Variants in IMMP1L observed in about 807,000 individuals in gnomAD.
IMMP1L encodes the protein inner mitochondrial membrane peptidase subunit 1.
In IMMP1L, 24 loss-of-function variants were observed where a neutral mutation model predicts 21.8. That is an observed-to-expected ratio of 1.10 (90% CI 0.80 to 1.55). IMMP1L has a LOEUF of 1.55. IMMP1L is among the 40% of genes most tolerant of loss of function. IMMP1L has a pLI of 0.00. For synonymous variants in IMMP1L, 46 were observed against 62.8 expected, an observed-to-expected ratio of 0.73 and a Z score of 1.26; for missense variants, 195 against 200.7, an observed-to-expected ratio of 0.97 and a Z score of 0.17.
At chr11:31,449,029 T>C (rs1027921667) in intron 4 of IMMP1L, 12 of 985,046 alleles carry the variant, frequency 1.2e-5, no homozygotes, top group African/African-American at 3.5e-5. Context: ...TATGCCATGA[T>C]TGATTATCCT....
chr11:31,450,503 T>C (rs1423058185), intron 4 of IMMP1L, among the ~76,000 whole-genome samples: 2 of 152,216 alleles, frequency 1.3e-5, no homozygotes, highest in African/African-American at 2.4e-5. Flanking sequence ...TATGCAGTCC[T>C]AAATAGAAGT....
chr11:31,482,727 T>C (rs1954940257), intron 1 of IMMP1L, among the ~76,000 whole-genome samples: 1 of 152,046 alleles, frequency 6.6e-6, no homozygotes, highest in South Asian at 2.1e-4. Context: ...GTGGAGCAAC[T>C]AGAACTCTCT....
At chr11:31,486,028 G>C (rs1180736559) in intron 1 of IMMP1L, among the ~76,000 whole-genome samples, 2 of 151,576 alleles carry the variant, frequency 1.3e-5, no homozygotes, top group African/African-American at 2.4e-5. Context: ...AATAACTATG[G>C]GGGCTTTAGA....
At chr11:31,474,499 C>G (rs1383807385) in intron 1 of IMMP1L, among the ~76,000 whole-genome samples, 3 of 152,074 alleles carry the variant, frequency 2.0e-5, no homozygotes, top group Non-Finnish European at 2.9e-5. Flanking sequence ...CACTCATACT[C>G]CCATAATCTA....
chr11:31,446,395 A>G (rs1953521230), intron 4 of IMMP1L, among the ~76,000 whole-genome samples: 1 of 152,160 alleles, frequency 6.6e-6, no homozygotes, highest in African/African-American at 2.4e-5. Context: ...AAACTAAATA[A>G]AAACTAAGCC....
chr11:31,460,548 G>T, intron 3 of IMMP1L, 78 bp downstream of exon 3: 1 of 814,026 alleles, frequency 1.2e-6, no homozygotes, highest in Non-Finnish European at 2.0e-6. Flanking sequence ...TAAAGATAAA[G>T]TTAAGGAACT....
At chr11:31,465,002 C>A (rs1404001564) in intron 1 of IMMP1L, among the ~76,000 whole-genome samples, 1 of 151,956 alleles carries the variant, frequency 6.6e-6, no homozygotes, top group Non-Finnish European at 1.5e-5. Context: ...AAGTAACTAT[C>A]CTGGTTACAG....
chr11:31,488,865 TAA>T (rs796713315), intron 1 of IMMP1L, among the ~76,000 whole-genome samples: 26 of 151,762 alleles, frequency 1.7e-4, no homozygotes, highest in African/African-American at 6.3e-4. Flanking sequence ...ATTAAGAAAA[TAA>T]GTTTTATTTT....
intron 1 of IMMP1L, among the ~76,000 whole-genome samples, chr11:31,467,780 ATTTT>A (rs34229840): frequency 6.3e-5 from 9 of 143,546 alleles, no homozygotes; most frequent in Non-Finnish European, 1.1e-4. Context: ...AAAGTAGATA[ATTTT>A]TTTTTTTTTT....
intron 5 of IMMP1L, among the ~76,000 whole-genome samples, chr11:31,433,112 T>G (rs1431638729): frequency 6.6e-6 from 1 of 152,214 alleles, no homozygotes; most frequent in East Asian, 1.9e-4. Flanking sequence ...TACAGGTAGT[T>G]TGAATCTAGA....
intron 1 of IMMP1L, among the ~76,000 whole-genome samples, chr11:31,506,256 C>G (rs1333496157): frequency 7.5e-4 from 10 of 13,364 alleles, no homozygotes; most frequent in African/African-American, 3.6e-3. Context: ...GAGACACAGT[C>G]TCGCTGTGTC....
At chr11:31,498,406 A>G (rs966584662) in intron 1 of IMMP1L, among the ~76,000 whole-genome samples, 4 of 152,222 alleles carry the variant, frequency 2.6e-5, no homozygotes, top group Admixed American at 6.5e-5. Flanking sequence ...TATGCCCTGG[A>G]GAAACAAAGA....
Position 31,433,452 on chromosome 11 carries a change from A to T in IMMP1L, c.432+8T>A, listed in dbSNP as rs1339145630. 14 of 1,479,878 alleles carry T rather than the reference A, an allele frequency of 9.5e-6. No homozygotes were observed. The African/African-American group carries it at 1.8e-4, about 19-fold the overall frequency. 91.7% of individuals were successfully genotyped at this position (1,479,878 alleles called of 1,614,324 possible). On this transcript the variant is annotated splice_region_variant and intron_variant, in intron 5 of 5. Coordinates refer to ENST00000532287, the MANE Select transcript of IMMP1L (RefSeq NM_001304274.2). ...AATAAACCTTACATTTTAAGCAGAA[A>T]ATGGTACCTTAAAGAAGATTCGTCC...
chr11:31,436,273 T>C (rs1296767600), intron 4 of IMMP1L, among the ~76,000 whole-genome samples: 2 of 152,354 alleles, frequency 1.3e-5, no homozygotes, highest in African/African-American at 4.8e-5. Context: ...ATTTTAATTA[T>C]TTACAGTACC....
intron 1 of IMMP1L, among the ~76,000 whole-genome samples, chr11:31,503,514 G>A (rs1326479033): frequency 3.3e-5 from 5 of 151,794 alleles, no homozygotes; most frequent in Admixed American, 2.0e-4. Context: ...AATTAACAAT[G>A]AAGAAAAAAA....
At chr11:31,462,140 C>T (rs764395355) in intron 2 of IMMP1L, among the ~76,000 whole-genome samples, 19 of 151,910 alleles carry the variant, frequency 1.3e-4, no homozygotes, top group Non-Finnish European at 1.9e-4. Context: ...CATGGTGAAA[C>T]GCCATCTCTA....
intron 4 of IMMP1L, among the ~76,000 whole-genome samples, chr11:31,439,990 A>T (rs1183735165): frequency 6.6e-6 from 1 of 152,148 alleles, no homozygotes; most frequent in Non-Finnish European, 1.5e-5. Flanking sequence ...GGCACAATTT[A>T]GTATTGAGCC....
chr11:31,472,522 T>A (rs534515137), intron 1 of IMMP1L, among the ~76,000 whole-genome samples: 2 of 152,232 alleles, frequency 1.3e-5, no homozygotes, highest in Non-Finnish European at 2.9e-5. Context: ...CCATGTACCA[T>A]GTGTGCTGTG....
chr11:31,461,127 T>C (rs1002166039), intron 2 of IMMP1L, among the ~76,000 whole-genome samples: 2 of 152,188 alleles, frequency 1.3e-5, no homozygotes, highest in Non-Finnish European at 1.5e-5. Context: ...CATTTTCTTA[T>C]TACTATCAGA....
Sources: gnomAD v4.1 joint callset for allele counts (sites outside exome capture counted in the v4.1 genomes callset) on GRCh38, gnomAD v4.1.1 for gene constraint, MANE v1.5 for transcripts, NCBI Gene and HGNC (gene_info 2026-07-23, HGNC 2026-07-21) for gene names.